Variants in C14orf132 observed in about 807,000 individuals in gnomAD.
C14orf132 encodes the protein chromosome 14 open reading frame 132.
C14orf132 carries 6 observed loss-of-function variants against 5.8 expected under a neutral mutation model. The observed-to-expected ratio is 1.03, with a 90% confidence interval of 0.57 to 2.04. C14orf132 has a LOEUF of 2.04. Ranked by LOEUF, C14orf132 falls within the 30% of genes most tolerant of loss-of-function variation. C14orf132 has a pLI of 0.00. For missense variants in C14orf132, 125 were observed against 115.8 expected (o/e 1.08, Z -0.37); for synonymous variants, 51 against 49.8 (o/e 1.02, Z -0.10).
At chr14:96,082,312 T>C (rs1001841107) in intron 1 of C14orf132, among the ~76,000 whole-genome samples, 7 of 152,188 alleles carry the variant, frequency 4.6e-5, no homozygotes, top group African/African-American at 1.7e-4. Context: ...TGACATTCTC[T>C]CATCACCTGC....
At position 96,089,502 on chromosome 14, in the gene C14orf132, G is replaced by C. The variant is rs1888312880; in HGVS notation, c.*2767G>C. On this transcript the variant is annotated 3_prime_UTR_variant, in exon 2 of 2. Transcript: ENST00000555004. ...CCACACTGTACTGCCTTCTGTGACTGGGTGGCACCTCCAGGGCACATTTAC... is the reference window on the plus strand; with the variant it reads ...CCACACTGTACTGCCTTCTGTGACTCGGTGGCACCTCCAGGGCACATTTAC... 1 of 152,284 alleles carries C rather than the reference G, an allele frequency of 6.6e-6. No individual in the cohort carries two copies. Among genetic ancestry groups the C allele is most frequent in the African/African-American group, 2.4e-5 (1 of 41,458 alleles). 9.4% of individuals were successfully genotyped at this position (152,284 alleles called of 1,614,324 possible).
rs1886653227 is a variant in C14orf132 at position 96,040,213 on chromosome 14, T to A, written c.27+686T>A. The A allele has an allele frequency of 1.1e-5, 4 of 357,864 alleles. No individual in the cohort carries two copies. In the Admixed American group the frequency reaches 1.5e-4, roughly 14 times the overall value. The allele number at this position is 357,864 out of a possible 1,614,324, so 22.2% of individuals were successfully genotyped here. ...CAGCTTGAATTTTCCTCCGGCAGAATGCCCTGGAGTTCTGAGCTTGGGTGA... is the reference window on the plus strand; with the variant it reads ...CAGCTTGAATTTTCCTCCGGCAGAAAGCCCTGGAGTTCTGAGCTTGGGTGA... On this transcript the variant is annotated intron_variant, in intron 1 of 1. Transcript: ENST00000555004.
At chr14:96,048,568 T>C (rs1305007669) in intron 1 of C14orf132, among the ~76,000 whole-genome samples, 1 of 152,106 alleles carries the variant, frequency 6.6e-6, no homozygotes, top group South Asian at 2.1e-4. Context: ...TCTGTTGCCC[T>C]GGCTGGAGTG....
At position 96,090,426 on chromosome 14, in the gene C14orf132, C is replaced by T. The variant is rs1352400424; in HGVS notation, c.*3691C>T. ...AAAAAGAAAAGAAAAAAAAAAAGAG[C>T]AACTTACTGCTTTGTGAGGTTGTGA... is the stretch of plus-strand genomic sequence containing the variant. On this transcript the variant is annotated 3_prime_UTR_variant, in exon 2 of 2. Transcript: ENST00000555004. 1 of 251,730 alleles carries T rather than the reference C, an allele frequency of 4.0e-6. No individual in the cohort carries two copies. Among genetic ancestry groups the T allele is most frequent in the Admixed American group, 5.2e-5 (1 of 19,292 alleles). 15.6% of individuals were successfully genotyped at this position (251,730 alleles called of 1,614,324 possible).
chr14:96,069,181 A>G (rs865897705), intron 1 of C14orf132, among the ~76,000 whole-genome samples: 6 of 109,012 alleles, frequency 5.5e-5, no homozygotes, highest in African/African-American at 1.5e-4. Flanking sequence ...ATATATATGT[A>G]TATATATATA....
At position 96,057,414 on chromosome 14, in the gene C14orf132, A is replaced by G. The variant is rs554994446; in HGVS notation, c.27+17887A>G. 3.3e-5 allele frequency among the ~76,000 whole-genome samples: 5 copies of G among 152,310 alleles called. No homozygotes were observed. The South Asian group carries it at 6.2e-4, about 19-fold the overall frequency. On this transcript the variant is annotated intron_variant, in intron 1 of 1. Coordinates refer to ENST00000555004, the MANE Select transcript of C14orf132 (RefSeq NM_001252507.3). ...CCAGAACTAGGAGAAATAAAATTCTATTGTGTATAAATTGCCTAGTCTGTG... is the reference window on the plus strand; with the variant it reads ...CCAGAACTAGGAGAAATAAAATTCTGTTGTGTATAAATTGCCTAGTCTGTG...
intron 1 of C14orf132, among the ~76,000 whole-genome samples, chr14:96,083,102 C>T (rs940473059): frequency 6.6e-6 from 1 of 152,226 alleles, no homozygotes; most frequent in Non-Finnish European, 1.5e-5. Context: ...CCCCATGAGG[C>T]CTGTCCCACG....
intron 1 of C14orf132, among the ~76,000 whole-genome samples, chr14:96,084,379 C>T (rs948811538): frequency 6.6e-6 from 1 of 152,150 alleles, no homozygotes; most frequent in Non-Finnish European, 1.5e-5. Context: ...TTCCAAGAGG[C>T]CACCAGCAAA....
intron 1 of C14orf132, among the ~76,000 whole-genome samples, chr14:96,084,890 T>C (rs2043899699): frequency 6.6e-6 from 1 of 152,204 alleles, no homozygotes; most frequent in Admixed American, 6.5e-5. Context: ...GGCCACCTGG[T>C]GACCTGGTAA....
chr14:96,080,750 A>C (rs1888006096), intron 1 of C14orf132, among the ~76,000 whole-genome samples: 1 of 151,996 alleles, frequency 6.6e-6, no homozygotes, highest in African/African-American at 2.4e-5. Flanking sequence ...CATTTTCCAC[A>C]ATGGCCCGGA....
At chr14:96,040,252 G>A (rs1356814899) in intron 1 of C14orf132, 2 of 397,100 alleles carry the variant, frequency 5.0e-6, no homozygotes, top group African/African-American at 2.1e-5. Context: ...TTCTATTTCT[G>A]TGCCTTAACT....
rs1486280475 is a variant in C14orf132 at position 96,090,499 on chromosome 14, C to T, written c.*3764C>T. On this transcript the variant is annotated 3_prime_UTR_variant, in exon 2 of 2. Coordinates refer to ENST00000555004, the MANE Select transcript of C14orf132 (RefSeq NM_001252507.3). The stretch of plus-strand genomic sequence containing the variant: ...GAGAAGAGGCCAGACGCCGCTGTAG[C>T]CAGGCCTGTCTTAAGAGGACTTGTG... 2.4e-6 allele frequency: 1 copy of T among 413,816 alleles called. No individual in the cohort carries two copies. The highest frequency in any genetic ancestry group is 4.9e-6 in the Non-Finnish European group (1 of 204,556). 25.6% of individuals were successfully genotyped at this position (413,816 alleles called of 1,614,324 possible). A position where few individuals can be genotyped will look rare whatever the true frequency, so the allele number is the denominator to read the frequency against.
Position 96,062,122 on chromosome 14 carries a change from C to T in C14orf132, c.27+22595C>T, listed in dbSNP as rs144852288. ...CTTTGGCTCATGTTGAAGTCAAAAGCCCTTGCAGGCAGCTTTTCTTGTCTG... is the reference window on the plus strand; with the variant it reads ...CTTTGGCTCATGTTGAAGTCAAAAGTCCTTGCAGGCAGCTTTTCTTGTCTG... On this transcript the variant is annotated intron_variant, in intron 1 of 1. Coordinates refer to ENST00000555004, the MANE Select transcript of C14orf132 (RefSeq NM_001252507.3). Among the ~76,000 whole-genome samples the T allele has an allele frequency of 2.4e-4, 37 of 152,252 alleles. 1 individual carries two copies. The highest frequency in any genetic ancestry group is 8.9e-4 in the African/African-American group (37 of 41,504).
intron 1 of C14orf132, among the ~76,000 whole-genome samples, chr14:96,062,705 T>A (rs1435922591): frequency 1.3e-5 from 2 of 152,112 alleles, no homozygotes; most frequent in African/African-American, 4.8e-5. Context: ...GTGGTCCAGA[T>A]CCCTTTGCCA....
chr14:96,093,360 T>C lies in C14orf132; in HGVS notation c.*6625T>C, dbSNP rs1310469100. On this transcript the variant is annotated 3_prime_UTR_variant, in exon 2 of 2. Transcript: ENST00000555004. Reference sequence around the variant, plus strand: ...TCACCAATGCATATGAAGAGTATGCTTGGGGAAGAGCTTAGGAATGGGGTG... The same window carrying C: ...TCACCAATGCATATGAAGAGTATGCCTGGGGAAGAGCTTAGGAATGGGGTG... 2.0e-5 allele frequency: 3 copies of C among 152,188 alleles called. No individual in the cohort carries two copies. Among genetic ancestry groups the C allele is most frequent in the Non-Finnish European group, 4.4e-5 (3 of 68,020 alleles). The allele number at this position is 152,188 out of a possible 1,614,324, so 9.4% of individuals were successfully genotyped here. A position where few individuals can be genotyped will look rare whatever the true frequency, so the allele number is the denominator to read the frequency against.
At chr14:96,060,688 G>T (rs1328363261) in intron 1 of C14orf132, among the ~76,000 whole-genome samples, 1 of 152,124 alleles carries the variant, frequency 6.6e-6, no homozygotes, top group Non-Finnish European at 1.5e-5. Flanking sequence ...CCTGAAAGAG[G>T]CAGGAACTTC....
At chr14:96,040,146 G>A (rs1316694801) in intron 1 of C14orf132, 1 of 136,790 alleles carries the variant, frequency 7.3e-6, no homozygotes, top group Non-Finnish European at 1.4e-5. Context: ...CCCCCTCCCC[G>A]ACACAAACAG....
chr14:96,090,504 C>A lies in C14orf132; in HGVS notation c.*3769C>A. The A allele has an allele frequency of 2.4e-6, 1 of 419,294 alleles. No individual in the cohort carries two copies. Among genetic ancestry groups the A allele is most frequent in the Non-Finnish European group, 4.8e-6 (1 of 207,042 alleles). The allele number at this position is 419,294 out of a possible 1,614,324, so 26.0% of individuals were successfully genotyped here. On this transcript the variant is annotated 3_prime_UTR_variant, in exon 2 of 2. Coordinates refer to ENST00000555004, the MANE Select transcript of C14orf132 (RefSeq NM_001252507.3). ...GAGGCCAGACGCCGCTGTAGCCAGGCCTGTCTTAAGAGGACTTGTGCTTCC... is the reference window on the plus strand; with the variant it reads ...GAGGCCAGACGCCGCTGTAGCCAGGACTGTCTTAAGAGGACTTGTGCTTCC...
At chr14:96,060,489 G>T (rs1041126433) in intron 1 of C14orf132, among the ~76,000 whole-genome samples, 1 of 152,158 alleles carries the variant, frequency 6.6e-6, no homozygotes, top group Non-Finnish European at 1.5e-5. Context: ...TTGCTTGAGT[G>T]GCTAAACAGA....
Sources: gnomAD v4.1 joint callset for allele counts (sites outside exome capture counted in the v4.1 genomes callset) on GRCh38, gnomAD v4.1.1 for gene constraint, MANE v1.5 for transcripts, NCBI Gene and HGNC (gene_info 2026-07-23, HGNC 2026-07-21) for gene names.